The following MON2 variants were observed in gnomAD, a reference collection of about 807,000 sequenced individuals.
MON2 encodes the protein MON2 regulator of endosome-to-Golgi trafficking, also known as protein MON2 homolog.
In MON2, 84 loss-of-function variants were observed where a neutral mutation model predicts 208.6. The ratio of observed to expected loss-of-function variants is 0.40; its 90% CI spans 0.34 to 0.48. The LOEUF is 0.48. MON2 is among the 20% of genes least tolerant of loss of function. The pLI is 0.59. For missense variants in MON2, 1,611 were observed against 2,015.4 expected, an observed-to-expected ratio of 0.80 and a Z score of 3.84; for synonymous variants, 660 against 694.0, an observed-to-expected ratio of 0.95 and a Z score of 0.77.
chr12:62,494,787 A>G (rs2070380032), intron 3 of MON2, among the ~76,000 whole-genome samples: 1 of 152,228 alleles, frequency 6.6e-6, no homozygotes, highest in Non-Finnish European at 1.5e-5. Context: ...GCTTGCTGCT[A>G]TTTGTATATA....
intron 11 of MON2, among the ~76,000 whole-genome samples, chr12:62,528,778 A>G (rs906118332): frequency 6.6e-6 from 1 of 152,206 alleles, no homozygotes; most frequent in African/African-American, 2.4e-5. Flanking sequence ...TGTGGCTCTC[A>G]AAGGCTAATT....
intron 19 of MON2, among the ~76,000 whole-genome samples, chr12:62,541,053 G>T (rs947772419): frequency 3.3e-5 from 5 of 152,168 alleles, no homozygotes; most frequent in Non-Finnish European, 7.4e-5. Context: ...CTCGTTGCAG[G>T]AATTTGTGCC....
At chr12:62,584,139 A>G (rs2075109270) in intron 32 of MON2, among the ~76,000 whole-genome samples, 1 of 152,116 alleles carries the variant, frequency 6.6e-6, no homozygotes, top group Admixed American at 6.5e-5. Context: ...GTAATTCTCC[A>G]ATTTCAGCAT....
chr12:62,545,750 T>C (rs1388251944), intron 21 of MON2: 3 of 151,788 alleles, frequency 2.0e-5, no homozygotes, highest in Non-Finnish European at 2.9e-5. Flanking sequence ...ACTCTAGAAA[T>C]TGATTTAACA....
Position 62,560,747 on chromosome 12 carries a change from T to A in MON2, c.3666T>A (p.Tyr1222Ter). 6.2e-7 allele frequency: 1 copy of A among 1,614,128 alleles called. No individual in the cohort carries two copies. The highest frequency in any genetic ancestry group is 8.5e-7 in the Non-Finnish European group (1 of 1,180,012). ...TDSIGEKLGR[Y>*]SSSEPPIVTD... ...CCATTGGAGAAAAACTAGGAAGATA[T>A]AGTAGCTCTGAGCCACCCATTGTTA... Residue 1222 changes from tyrosine to a stop codon, truncating the protein, a stop_gained, in exon 26 of 35, where the codon TAT (tyrosine) becomes TAA (stop). Transcript: ENST00000393630. LOFTEE classifies it high-confidence loss of function.
chr12:62,493,515 A>G (rs1312244156), intron 2 of MON2, among the ~76,000 whole-genome samples: 1 of 152,216 alleles, frequency 6.6e-6, no homozygotes, highest in African/African-American at 2.4e-5. Context: ...GGGATGATGT[A>G]TGTACTATTT....
At chr12:62,538,021 T>TGGG (rs1176260127) in intron 16 of MON2, 75 bp from the exon 17 acceptor site, 1 of 1,353,494 alleles carries the variant, frequency 7.4e-7, no homozygotes, top group Non-Finnish European at 1.0e-6. Flanking sequence ...AAGTTACTAC[T>TGGG]GATTTTAATT....
Position 62,501,688 on chromosome 12 carries a change from T to G in MON2, c.779T>G (p.Val260Gly), listed in dbSNP as rs776369058. ...LESVLNDFPQVFLQHQEFSFL... is the reference protein window; with the variant it reads ...LESVLNDFPQGFLQHQEFSFL... Reference sequence around the variant, plus strand: ...TCAGTCCTCAATGATTTTCCGCAGGTCTTTTTACAAGTAAGCCATTTATAG... The same window carrying G: ...TCAGTCCTCAATGATTTTCCGCAGGGCTTTTTACAAGTAAGCCATTTATAG... The change falls in exon 7 of 35, where the codon GTC (valine) becomes GGC (glycine). Residue 260 changes from valine (V) to glycine (G), a missense_variant. Val to Gly is a moderately radical substitution (Grantham distance 109). Coordinates refer to ENST00000393630, the MANE Select transcript of MON2 (RefSeq NM_015026.3). The G allele has an allele frequency of 6.2e-7, 1 of 1,614,162 alleles. No individual in the cohort carries two copies. Among genetic ancestry groups the G allele is most frequent in the Non-Finnish European group, 8.5e-7 (1 of 1,179,986 alleles).
chr12:62,513,054 C>T (rs1477160478), intron 8 of MON2, among the ~76,000 whole-genome samples: 3 of 152,158 alleles, frequency 2.0e-5, no homozygotes, highest in Admixed American at 6.5e-5. Context: ...GCCCACAAAA[C>T]CACGTTTTCC....
In MON2 at chr12:62,513,735, AGG is replaced by A; in HGVS notation, c.984+5256_984+5257del. ...GCTGAGGCAGGCGGGTCATGAGGTCAGGAGATCGAGACCATCGTGGCTAACAT... is the reference window on the plus strand; with the variant it reads ...GCTGAGGCAGGCGGGTCATGAGGTCAAGATCGAGACCATCGTGGCTAACAT... On this transcript the variant is annotated intron_variant, in intron 8 of 34. Coordinates refer to ENST00000393630, the MANE Select transcript of MON2 (RefSeq NM_015026.3). Among the ~76,000 whole-genome samples, 2 of 123,180 alleles carry A rather than the reference AGG, an allele frequency of 1.6e-5. 1 individual carries two copies. Among genetic ancestry groups the A allele is most frequent in the Non-Finnish European group, 3.8e-5 (2 of 53,292 alleles). The allele number at this position is 123,180 out of a possible 152,430, so 80.8% of individuals were successfully genotyped here.
At chr12:62,544,717 T>G (rs1199053844) in intron 20 of MON2, 181 bp from the exon 21 acceptor site, 1 of 1,480,554 alleles carries the variant, frequency 6.8e-7, no homozygotes, top group Non-Finnish European at 9.1e-7. Flanking sequence ...TGTTTTAGTT[T>G]CATCTTTTTT....
At chr12:62,512,576 G>A (rs1430687693) in intron 8 of MON2, among the ~76,000 whole-genome samples, 5 of 152,198 alleles carry the variant, frequency 3.3e-5, no homozygotes, top group Non-Finnish European at 7.3e-5. Flanking sequence ...GCAGGATACA[G>A]CCTCCCTTCC....
At chr12:62,476,625 C>G (rs139414673) in intron 1 of MON2, among the ~76,000 whole-genome samples, 2 of 151,828 alleles carry the variant, frequency 1.3e-5, no homozygotes, top group Non-Finnish European at 2.9e-5. Context: ...TTAGTAGAGA[C>G]GGGGTTTCAC....
At chr12:62,566,965 T>A (rs1033179220) in intron 29 of MON2, among the ~76,000 whole-genome samples, 1 of 152,228 alleles carries the variant, frequency 6.6e-6, no homozygotes. Context: ...TCCTCAAGGT[T>A]CAAGATTGAT....
At chr12:62,475,342 T>C in intron 1 of MON2, among the ~76,000 whole-genome samples, 1 of 152,056 alleles carries the variant, frequency 6.6e-6, no homozygotes, top group East Asian at 1.9e-4. Flanking sequence ...GTTCAAGTGA[T>C]TCTCATGCCT....
intron 1 of MON2, among the ~76,000 whole-genome samples, chr12:62,473,650 G>A (rs1196602713): frequency 6.6e-6 from 1 of 151,984 alleles, no homozygotes; most frequent in Non-Finnish European, 1.5e-5. Flanking sequence ...GCTCACTGCA[G>A]CCTCTGTCTC....
rs969912704 is a variant in MON2 at position 62,475,236 on chromosome 12, G to T, written c.111+7918G>T. ...CATGTTATGGCTTCTTTGTTTTTTT[G>T]TTGTTGTTGTTATTTTTGGAGATGG... On this transcript the variant is annotated intron_variant, in intron 1 of 34. Coordinates refer to ENST00000393630, the MANE Select transcript of MON2 (RefSeq NM_015026.3). 1.3e-4 allele frequency among the ~76,000 whole-genome samples: 19 copies of T among 151,300 alleles called. 1 individual carries two copies. The highest frequency in any genetic ancestry group is 1.0e-3 in the South Asian group (5 of 4,766).
chr12:62,480,573 AAAAC>A (rs2069359775), intron 1 of MON2, among the ~76,000 whole-genome samples: 1 of 152,184 alleles, frequency 6.6e-6, no homozygotes, highest in Non-Finnish European at 1.5e-5. Flanking sequence ...CTCAAAATGA[AAAAC>A]AAACTTCCTT....
In MON2 at chr12:62,566,373, G is replaced by A. The variant is rs759070245; in HGVS notation, c.4246G>A (p.Val1416Ile). Residue 1416 changes from valine to isoleucine, a missense_variant, in exon 29 of 35, where the codon GTA becomes ATA. By Grantham distance (29) the Val-to-Ile change is conservative. Transcript: ENST00000393630. ...GCCGTTTGCTGAAAGGTCTTTAGAAGTAGTTGTGGATTTATACCAAAAAAC... is the reference window on the plus strand; with the variant it reads ...GCCGTTTGCTGAAAGGTCTTTAGAAATAGTTGTGGATTTATACCAAAAAAC... Reference protein sequence around the residue: ...YVPFAERSLEVVVDLYQKTAC... With the variant: ...YVPFAERSLEIVVDLYQKTAC... The A allele has an allele frequency of 3.1e-6, 5 of 1,613,534 alleles. No homozygotes were observed. The highest frequency in any genetic ancestry group is 1.7e-5 in the Admixed American group (1 of 59,980).
Sources: gnomAD v4.1 joint callset for allele counts (sites outside exome capture counted in the v4.1 genomes callset) on GRCh38, gnomAD v4.1.1 for gene constraint, MANE v1.5 for transcripts, NCBI Gene and HGNC (gene_info 2026-07-23, HGNC 2026-07-21) for gene names.